The following KATNBL1 variants were observed in gnomAD, a reference collection of about 807,000 sequenced individuals.
The protein encoded by KATNBL1 is KATNB1-like protein 1.
KATNBL1 carries 28 observed loss-of-function variants against 44.7 expected under a neutral mutation model. The observed-to-expected ratio is 0.63, with a 90% confidence interval of 0.46 to 0.86. KATNBL1 has a LOEUF of 0.86. KATNBL1 is among the 40% of genes least tolerant of loss of function. The probability of loss-of-function intolerance (pLI) is 0.00; values close to 1 mark genes in which losing one functional copy is unlikely to be tolerated. For synonymous variants in KATNBL1, 78 were observed against 114.9 expected (o/e 0.68, Z 2.06); for missense variants, 272 against 350.7 (o/e 0.78, Z 1.79).
chr15:34,179,293 G>A (rs895827455), intron 1 of KATNBL1, among the ~76,000 whole-genome samples: 1 of 152,142 alleles, frequency 6.6e-6, no homozygotes, highest in Non-Finnish European at 1.5e-5. Flanking sequence ...AAAACAGAAA[G>A]CAAAAGGGCC....
At chr15:34,173,835 C>G (rs2073578923) in intron 1 of KATNBL1, among the ~76,000 whole-genome samples, 1 of 152,090 alleles carries the variant, frequency 6.6e-6, no homozygotes, top group Admixed American at 6.5e-5. Flanking sequence ...ACCCAGAATC[C>G]TATGTTCAGT....
intron 1 of KATNBL1, among the ~76,000 whole-genome samples, chr15:34,178,478 C>A (rs1057010402): frequency 6.6e-6 from 1 of 152,078 alleles, no homozygotes; most frequent in Non-Finnish European, 1.5e-5. Context: ...TTTCAATGGG[C>A]CGGGCGTGGT....
At chr15:34,166,714 G>A (rs1888988450) in intron 1 of KATNBL1, among the ~76,000 whole-genome samples, 2 of 152,172 alleles carry the variant, frequency 1.3e-5, no homozygotes, top group African/African-American at 4.8e-5. Context: ...ATACAGGTGG[G>A]TTCCCCTCTG....
chr15:34,207,757 T>C (rs1376918459), intron 1 of KATNBL1, among the ~76,000 whole-genome samples: 1 of 152,208 alleles, frequency 6.6e-6, no homozygotes, highest in Non-Finnish European at 1.5e-5. Context: ...CATGCCACCA[T>C]GCCTGGCAAA....
chr15:34,149,899 T>C (rs982212205), intron 4 of KATNBL1, among the ~76,000 whole-genome samples: 23 of 152,286 alleles, frequency 1.5e-4, no homozygotes, highest in East Asian at 5.8e-4. Context: ...CAAAAAACAA[T>C]AGCATATTCT....
At chr15:34,149,748 G>A (rs994270416) in intron 4 of KATNBL1, among the ~76,000 whole-genome samples, 2 of 152,130 alleles carry the variant, frequency 1.3e-5, no homozygotes, top group African/African-American at 4.8e-5. Context: ...AAGAACAACA[G>A]CATAGCCTGG....
At chr15:34,148,323 A>C (rs939728238) in intron 5 of KATNBL1, 1 of 189,626 alleles carries the variant, frequency 5.3e-6, no homozygotes, top group Non-Finnish European at 1.1e-5. Context: ...TACTGTCTCT[A>C]CTGAAGCTAC....
chr15:34,181,856 CAT>C lies in KATNBL1; in HGVS notation c.-14-18168_-14-18167del, dbSNP rs66474515. Among the ~76,000 whole-genome samples, 164 of 18,568 alleles carry C rather than the reference CAT, an allele frequency of 8.8e-3. 8 individuals are homozygous for C. The highest frequency in any genetic ancestry group is 0.048 in the Middle Eastern group (2 of 42). 12.2% of individuals were successfully genotyped at this position (18,568 alleles called of 152,430 possible). ...CATATATATACACATATATATAGTC[CAT>C]ATATATATATCCATATATATATATA... On this transcript the variant is annotated intron_variant, in intron 1 of 9. Transcript: ENST00000256544.
At position 34,187,640 on chromosome 15, in the gene KATNBL1, T is replaced by C. The variant is rs1283998464; in HGVS notation, c.-15+22311A>G. 3.9e-5 allele frequency among the ~76,000 whole-genome samples: 6 copies of C among 152,198 alleles called. No homozygotes were observed. In the East Asian group the frequency reaches 9.6e-4, roughly 24 times the overall value. On this transcript the variant is annotated intron_variant, in intron 1 of 9. Transcript: ENST00000256544. ...TGTAAAATAAGCTTCAGTCCAACTA[T>C]ACTTGGCCTGATTACCCATACAAAG...
chr15:34,204,927 A>G (rs1890253962), intron 1 of KATNBL1, among the ~76,000 whole-genome samples: 1 of 152,172 alleles, frequency 6.6e-6, no homozygotes, highest in Non-Finnish European at 1.5e-5. Context: ...ATTATATGTG[A>G]AAAAACTATT....
rs139746326 is a variant in KATNBL1 at position 34,182,575 on chromosome 15, T to C, written c.-14-18885A>G. 3.9e-5 allele frequency among the ~76,000 whole-genome samples: 6 copies of C among 152,228 alleles called. No individual in the cohort carries two copies. The East Asian group carries it at 1.2e-3, about 29-fold the overall frequency. ...ATAAATCAGATCAGTCCCACGAATA[T>C]TGGGATATATGTTCACCCCACCTGA... On this transcript the variant is annotated intron_variant, in intron 1 of 9. Transcript: ENST00000256544.
intron 1 of KATNBL1, among the ~76,000 whole-genome samples, chr15:34,206,856 G>A (rs1029895695): frequency 3.3e-5 from 5 of 151,674 alleles, no homozygotes; most frequent in Middle Eastern, 3.5e-3. Context: ...TATGCTCCCA[G>A]TAAAAGTACC....
intron 1 of KATNBL1, among the ~76,000 whole-genome samples, chr15:34,202,516 G>A (rs768136014): frequency 1.3e-5 from 2 of 152,094 alleles, no homozygotes; most frequent in Admixed American, 1.3e-4. Context: ...CAGTTACAGT[G>A]GTTGGGCACC....
At chr15:34,149,412 C>T (rs73376168) in intron 4 of KATNBL1, among the ~76,000 whole-genome samples, 30,693 of 151,670 alleles carry the variant, frequency 0.2, 3,825 homozygotes, top group African/African-American at 0.35. Flanking sequence ...TTTTCAATGT[C>T]AAAACACAGA....
chr15:34,204,522 G>A (rs911155299), intron 1 of KATNBL1, among the ~76,000 whole-genome samples: 3 of 152,276 alleles, frequency 2.0e-5, no homozygotes, highest in African/African-American at 7.2e-5. Flanking sequence ...GATGCTGAGG[G>A]TAGACTGTAT....
intron 2 of KATNBL1, 149 bp from the exon 3 acceptor site, chr15:34,154,833 C>T (rs1467126893): frequency 5.4e-5 from 34 of 629,038 alleles, no homozygotes; most frequent in Non-Finnish European, 9.1e-5. Flanking sequence ...CAAGAGCATA[C>T]CGGGCATGGG....
intron 1 of KATNBL1, among the ~76,000 whole-genome samples, chr15:34,181,613 T>C (rs1186503382): frequency 7.4e-6 from 1 of 135,554 alleles, no homozygotes; most frequent in African/African-American, 2.6e-5. Context: ...TGTCCATATA[T>C]ATACACATAT....
At chr15:34,173,692 G>GA (rs1889240560) in intron 1 of KATNBL1, among the ~76,000 whole-genome samples, 1 of 152,008 alleles carries the variant, frequency 6.6e-6, no homozygotes, top group African/African-American at 2.4e-5. Flanking sequence ...AGCACATAAG[G>GA]AAAAAAGTAT....
At chr15:34,196,144 G>A (rs750252802) in intron 1 of KATNBL1, among the ~76,000 whole-genome samples, 29 of 152,224 alleles carry the variant, frequency 1.9e-4, no homozygotes, top group African/African-American at 5.3e-4. Flanking sequence ...TCAGCCAGGC[G>A]TGGTGGCTCA....
Sources: allele counts gnomAD v4.1 joint callset (sites outside exome capture counted in the v4.1 genomes callset), GRCh38; gene constraint gnomAD v4.1.1; transcripts MANE v1.5; gene names NCBI Gene and HGNC (gene_info 2026-07-23, HGNC 2026-07-21).